The following HBS1L variants were observed in gnomAD, a reference collection of about 807,000 sequenced individuals.
The protein encoded by HBS1L is HBS1 like translational GTPase.
HBS1L carries 55 observed loss-of-function variants against 88.9 expected under a neutral mutation model. The observed-to-expected ratio is 0.62, with a 90% confidence interval of 0.50 to 0.77. The LOEUF (loss-of-function observed/expected upper bound fraction) is 0.77, where lower values mean the gene tolerates loss of function less well. HBS1L is among the 30% of genes least tolerant of loss of function. The pLI, the probability that HBS1L is intolerant of heterozygous loss-of-function variation, is 0.00. For synonymous variants in HBS1L, 267 were observed against 288.5 expected (o/e 0.93, Z 0.76); for missense variants, 741 against 829.3 (o/e 0.89, Z 1.31).
At chr6:135,021,768 G>A (rs1262725943) in intron 4 of HBS1L, among the ~76,000 whole-genome samples, 1 of 152,062 alleles carries the variant, frequency 6.6e-6, no homozygotes, top group African/African-American at 2.4e-5. Context: ...ATTACAACTG[G>A]CTTCTTAACA....
At position 134,962,267 on chromosome 6, in the gene HBS1L, T is replaced by C. The variant is rs959937456; in HGVS notation, c.*3012A>G. The C allele has an allele frequency of 2.6e-5, 4 of 152,144 alleles. No homozygotes were observed. Among genetic ancestry groups the C allele is most frequent in the African/African-American group, 9.7e-5 (4 of 41,426 alleles). 9.4% of individuals were successfully genotyped at this position (152,144 alleles called of 1,614,324 possible). ...ATAAAAAAAACCTCTAATACTTCTATTGAAAAATATTGATTACATAACAAC... is the reference window on the plus strand; with the variant it reads ...ATAAAAAAAACCTCTAATACTTCTACTGAAAAATATTGATTACATAACAAC... On this transcript the variant is annotated 3_prime_UTR_variant, in exon 18 of 18. Coordinates refer to ENST00000367837, the MANE Select transcript of HBS1L (RefSeq NM_006620.4).
chr6:135,001,201 AGTGATGAACATTAAC>A (rs1775444977), intron 5 of HBS1L, among the ~76,000 whole-genome samples: 1 of 152,218 alleles, frequency 6.6e-6, no homozygotes, highest in Non-Finnish European at 1.5e-5. Context: ...AAAGGAATAC[AGTGATGAACATTAAC>A]AGTCCCTGGC....
Position 134,997,388 on chromosome 6 carries a change from G to A in HBS1L, c.799+9C>T. The A allele has an allele frequency of 6.2e-7, 1 of 1,613,840 alleles. No homozygotes were observed. Among genetic ancestry groups the A allele is most frequent in the East Asian group, 2.2e-5 (1 of 44,858 alleles). ...CTGGCTGACGATCCAGAGGGACAAA[G>A]AGCATTACCAATGACCACTAAGTTG... On this transcript the variant is annotated intron_variant, in intron 6 of 17. Coordinates refer to ENST00000367837, the MANE Select transcript of HBS1L (RefSeq NM_006620.4).
Position 134,996,308 on chromosome 6 carries a change from A to C in HBS1L, c.965+469T>G, listed in dbSNP as rs533558173. The stretch of plus-strand genomic sequence containing the variant: ...ACTGTCTCATAAAAACATAATATGT[A>C]AAGTATAAAAATGAATTGTTTGGTA... On this transcript the variant is annotated intron_variant, in intron 7 of 17. Coordinates refer to ENST00000367837, the MANE Select transcript of HBS1L (RefSeq NM_006620.4). Among the ~76,000 whole-genome samples, 20 of 152,308 alleles carry C rather than the reference A, an allele frequency of 1.3e-4. No individual in the cohort carries two copies. In the South Asian group the frequency reaches 3.9e-3, roughly 30 times the overall value.
chr6:134,978,596 A>C, intron 15 of HBS1L, 83 bp downstream of exon 15: 1 of 683,306 alleles, frequency 1.5e-6, no homozygotes, highest in Non-Finnish European at 2.5e-6. Context: ...TAGTATCACC[A>C]CTTGTAAAGA....
intron 4 of HBS1L, among the ~76,000 whole-genome samples, chr6:135,024,439 C>CAAAAAAA (rs60663059): frequency 1.1e-3 from 74 of 65,860 alleles, no homozygotes; most frequent in Non-Finnish European, 1.3e-3. Flanking sequence ...GACTTCGTCT[C>CAAAAAAA]AAAAAAAAAA....
At chr6:134,975,828 G>A (rs1209693317) in intron 15 of HBS1L, among the ~76,000 whole-genome samples, 1 of 152,016 alleles carries the variant, frequency 6.6e-6, no homozygotes, top group Non-Finnish European at 1.5e-5. Context: ...ACCTGGGAGA[G>A]GTTCTTCTGG....
rs557616057 is a variant in HBS1L, at chr6:134,975,083, T to C, written c.1797+3596A>G. 4.6e-5 allele frequency among the ~76,000 whole-genome samples: 7 copies of C among 152,272 alleles called. No homozygotes were observed. In the South Asian group the frequency reaches 1.4e-3, roughly 32 times the overall value. ...GTAAAGTCTCAGGTTACAAAATCAA[T>C]GTACACAAATCAGTAGCACCAACAA... is the stretch of plus-strand genomic sequence containing the variant. On this transcript the variant is annotated intron_variant, in intron 15 of 17. Coordinates refer to ENST00000367837, the MANE Select transcript of HBS1L (RefSeq NM_006620.4).
At chr6:135,026,081 G>T (rs555397231) in intron 4 of HBS1L, among the ~76,000 whole-genome samples, 37 of 152,252 alleles carry the variant, frequency 2.4e-4, no homozygotes, top group Middle Eastern at 6.8e-3. Context: ...TTTTCAATTT[G>T]TCATGCAAAT....
chr6:134,981,387 A>G (rs1774827830), intron 13 of HBS1L, among the ~76,000 whole-genome samples: 1 of 151,992 alleles, frequency 6.6e-6, no homozygotes, highest in South Asian at 2.1e-4. Flanking sequence ...AGTGGGCACA[A>G]ATAAAAAGGT....
At chr6:135,015,567 A>G (rs553297739) in intron 4 of HBS1L, among the ~76,000 whole-genome samples, 1 of 152,148 alleles carries the variant, frequency 6.6e-6, no homozygotes, top group South Asian at 2.1e-4. Context: ...ATGTAAATAT[A>G]CACACACATA....
chr6:135,024,057 T>C lies in HBS1L; in HGVS notation c.430+15516A>G, dbSNP rs148916456. The stretch of plus-strand genomic sequence containing the variant: ...AGTGAAACCTCGCTCCACATAATAA[T>C]ATCTACTCTGTTGAAAACTATCTTC... On this transcript the variant is annotated intron_variant, in intron 4 of 17. Transcript: ENST00000367837. 3.2e-3 allele frequency among the ~76,000 whole-genome samples: 480 copies of C among 152,290 alleles called. 1 individual carries two copies. The highest frequency in any genetic ancestry group is 0.011 in the African/African-American group (462 of 41,552).
rs186042050 is a variant in HBS1L, at chr6:135,028,281, C to T, written c.430+11292G>A. ...CAAGGTAATAAAAAAAAAAAAAATG[C>T]TGGGCAGAGAGAAAGGGGAGACTAG... On this transcript the variant is annotated intron_variant, in intron 4 of 17. Transcript: ENST00000367837. 1.2e-3 allele frequency among the ~76,000 whole-genome samples: 172 copies of T among 145,160 alleles called. 2 individuals carry two copies. The highest frequency in any genetic ancestry group is 2.6e-4 in the Non-Finnish European group (17 of 66,238).
At chr6:135,044,947 G>C (rs537491919) in intron 2 of HBS1L, among the ~76,000 whole-genome samples, 57 of 152,228 alleles carry the variant, frequency 3.7e-4, no homozygotes, top group African/African-American at 1.3e-3. Context: ...TTTTTCTGTG[G>C]TGGGGTCGAG....
In HBS1L at chr6:134,982,576, CA is replaced by C. The variant is rs1774862437; in HGVS notation, c.1493-15del. ...CAGATCCTTGATCTGCAAAACATACCAAAATCTTATGGTTCATACAGCAATG... is the reference window on the plus strand; with the variant it reads ...CAGATCCTTGATCTGCAAAACATACCAAATCTTATGGTTCATACAGCAATG... On this transcript the variant is annotated splice_polypyrimidine_tract_variant and intron_variant, in intron 12 of 17. Transcript: ENST00000367837. The C allele has an allele frequency of 6.8e-7, 1 of 1,470,076 alleles. No individual in the cohort carries two copies. Among genetic ancestry groups the C allele is most frequent in the African/African-American group, 1.4e-5 (1 of 71,844 alleles). 91.1% of individuals were successfully genotyped at this position (1,470,076 alleles called of 1,614,324 possible).
intron 2 of HBS1L, among the ~76,000 whole-genome samples, chr6:135,042,487 T>C (rs1189175060): frequency 6.6e-6 from 1 of 152,086 alleles, no homozygotes; most frequent in Non-Finnish European, 1.5e-5. Context: ...TCAAACCAAA[T>C]ATCAAACTTC....
At chr6:134,979,079 T>C in intron 14 of HBS1L, 99 bp downstream of exon 14, 2 of 822,318 alleles carry the variant, frequency 2.4e-6, no homozygotes, top group Non-Finnish European at 4.0e-6. Flanking sequence ...TTTGGTCAAA[T>C]GAAATTCAAA....
chr6:134,965,304 A>G lies in HBS1L; in HGVS notation c.2044-14T>C. On this transcript the variant is annotated splice_polypyrimidine_tract_variant and intron_variant, in intron 17 of 17. Coordinates refer to ENST00000367837, the MANE Select transcript of HBS1L (RefSeq NM_006620.4). ...TCATTCTTTTATCTGTTAAAACAAA[A>G]AAAAAAAAGACATTTGCTGTAATTT... 6.6e-7 allele frequency: 1 copy of G among 1,511,440 alleles called. No individual in the cohort carries two copies. Among genetic ancestry groups the G allele is most frequent in the Non-Finnish European group, 9.1e-7 (1 of 1,099,498 alleles). The allele number at this position is 1,511,440 out of a possible 1,614,324, so 93.6% of individuals were successfully genotyped here. A position where few individuals can be genotyped will look rare whatever the true frequency, so the allele number is the denominator to read the frequency against.
At chr6:134,966,667 C>A (rs1354818911) in intron 16 of HBS1L, among the ~76,000 whole-genome samples, 194 bp from the exon 17 acceptor site, 1 of 147,452 alleles carries the variant, frequency 6.8e-6, no homozygotes, top group Non-Finnish European at 1.5e-5. Context: ...AGGAGTAATT[C>A]TAGATTTAAG....
Sources: allele counts gnomAD v4.1 joint callset (sites outside exome capture counted in the v4.1 genomes callset), GRCh38; gene constraint gnomAD v4.1.1; transcripts MANE v1.5; gene names NCBI Gene and HGNC (gene_info 2026-07-23, HGNC 2026-07-21).